Variants in RORB observed in about 807,000 individuals in gnomAD.
RORB encodes the protein RAR related orphan receptor B.
RORB carries 6 observed loss-of-function variants against 59.1 expected under a neutral mutation model. That is an observed-to-expected ratio of 0.10 (90% CI 0.06 to 0.20). The LOEUF is 0.20. Ranked by LOEUF, RORB falls within the 10% of genes least tolerant of loss-of-function variation. The probability of loss-of-function intolerance (pLI) is 1.00; values close to 1 mark genes in which losing one functional copy is unlikely to be tolerated. For synonymous variants in RORB, 215 were observed against 204.5 expected (o/e 1.05, Z -0.44); for missense variants, 320 against 560.5 (o/e 0.57, Z 4.33).
chr9:74,498,143 G>A, intron 1 of RORB, 160 bp downstream of exon 1: 1 of 805,416 alleles, frequency 1.2e-6, no homozygotes, highest in South Asian at 1.6e-5. Flanking sequence ...TGGCCTGGGC[G>A]TAGAAAGTTG....
chr9:74,530,973 G>A (rs1175872460), intron 1 of RORB, among the ~76,000 whole-genome samples: 3 of 151,038 alleles, frequency 2.0e-5, no homozygotes, highest in African/African-American at 7.3e-5. Flanking sequence ...TTTGTTAAAC[G>A]TTATTCTTAT....
chr9:74,520,765 G>T (rs1826075054), intron 1 of RORB, among the ~76,000 whole-genome samples: 1 of 151,458 alleles, frequency 6.6e-6, no homozygotes, highest in Non-Finnish European at 1.5e-5. Flanking sequence ...TTGTGAACCT[G>T]CCTGTGGTTC....
intron 3 of RORB, among the ~76,000 whole-genome samples, chr9:74,638,734 T>C (rs1254316584): frequency 2.6e-5 from 4 of 152,236 alleles, no homozygotes; most frequent in African/African-American, 4.8e-5. Context: ...ATTTTTGCCA[T>C]GTACTGTAAT....
intron 4 of RORB, among the ~76,000 whole-genome samples, chr9:74,643,323 G>T (rs1823841964): frequency 6.6e-6 from 1 of 152,228 alleles, no homozygotes; most frequent in South Asian, 2.1e-4. Context: ...AAGGCTCTTG[G>T]AAATCTGAAT....
intron 1 of RORB, among the ~76,000 whole-genome samples, chr9:74,600,816 A>G (rs1823043447): frequency 6.6e-6 from 1 of 152,218 alleles, no homozygotes; most frequent in South Asian, 2.1e-4. Flanking sequence ...TGTATAGTTT[A>G]CCAAAATTAT....
At chr9:74,548,511 A>G (rs922078850) in intron 1 of RORB, among the ~76,000 whole-genome samples, 6 of 152,336 alleles carry the variant, frequency 3.9e-5, no homozygotes, top group African/African-American at 1.2e-4. Context: ...GTCCAGATTA[A>G]TTCTTTTTAG....
chr9:74,656,796 G>A (rs534168301), intron 4 of RORB, among the ~76,000 whole-genome samples: 108 of 152,094 alleles, frequency 7.1e-4, no homozygotes, highest in Non-Finnish European at 8.7e-4. Flanking sequence ...TTACAACTTC[G>A]GTTGGTTACC....
intron 1 of RORB, among the ~76,000 whole-genome samples, chr9:74,512,360 C>T (rs183931504): frequency 6.6e-6 from 1 of 152,296 alleles, no homozygotes; most frequent in East Asian, 1.9e-4. Flanking sequence ...TATTCCTACA[C>T]TCTGTGGTAA....
At chr9:74,504,878 T>G (rs1257901428) in intron 1 of RORB, among the ~76,000 whole-genome samples, 1 of 152,094 alleles carries the variant, frequency 6.6e-6, no homozygotes, top group Non-Finnish European at 1.5e-5. Flanking sequence ...AATTTTAAAT[T>G]GTGTATTTAA....
intron 1 of RORB, among the ~76,000 whole-genome samples, chr9:74,520,484 T>C (rs902948969): frequency 4.6e-5 from 7 of 151,928 alleles, no homozygotes; most frequent in Non-Finnish European, 4.4e-5. Flanking sequence ...ACCTGTCCAA[T>C]ATGATACCAA....
intron 1 of RORB, among the ~76,000 whole-genome samples, chr9:74,550,110 A>G (rs1306227753): frequency 6.6e-6 from 1 of 152,170 alleles, no homozygotes; most frequent in Admixed American, 6.5e-5. Context: ...AAATGTTCTT[A>G]TCAATATTTT....
chr9:74,541,174 G>GGAGGC (rs964557376), intron 1 of RORB, among the ~76,000 whole-genome samples: 2 of 149,866 alleles, frequency 1.3e-5, no homozygotes, highest in African/African-American at 4.9e-5. Flanking sequence ...CAGCTACTCA[G>GGAGGC]GAGGCTGAGG....
At chr9:74,559,029 CTT>C (rs550067066) in intron 1 of RORB, among the ~76,000 whole-genome samples, 1 of 152,118 alleles carries the variant, frequency 6.6e-6, no homozygotes, top group South Asian at 2.1e-4. Flanking sequence ...TTAATTAAGA[CTT>C]TAGTCTCTTG....
At chr9:74,568,699 CA>C (rs34771605) in intron 1 of RORB, among the ~76,000 whole-genome samples, 114 of 107,290 alleles carry the variant, frequency 1.1e-3, no homozygotes, top group African/African-American at 1.9e-3. Flanking sequence ...GACTCCATCT[CA>C]AAAAAAAAAA....
intron 1 of RORB, among the ~76,000 whole-genome samples, chr9:74,605,926 C>T (rs1823142454): frequency 6.6e-6 from 1 of 152,118 alleles, no homozygotes; most frequent in Non-Finnish European, 1.5e-5. Context: ...TCTCAGTAGA[C>T]TCGAGGTGGG....
intron 1 of RORB, among the ~76,000 whole-genome samples, chr9:74,554,360 T>G (rs560889067): frequency 6.6e-5 from 10 of 152,280 alleles, no homozygotes; most frequent in Non-Finnish European, 1.5e-4. Context: ...CATTGCTTTT[T>G]GTCTGTGCCC....
At chr9:74,552,914 G>T (rs1826634927) in intron 1 of RORB, among the ~76,000 whole-genome samples, 1 of 152,188 alleles carries the variant, frequency 6.6e-6, no homozygotes. Context: ...CTGAATCAAA[G>T]CGGGGACCTA....
intron 1 of RORB, among the ~76,000 whole-genome samples, chr9:74,569,229 T>C (rs1822514167): frequency 6.6e-6 from 1 of 152,092 alleles, no homozygotes. Flanking sequence ...ATGGTATATC[T>C]GTCATTATTT....
chr9:74,667,721 G>C, intron 7 of RORB, 70 bp from the exon 8 acceptor site: 4 of 914,858 alleles, frequency 4.4e-6, no homozygotes, highest in Non-Finnish European at 7.3e-6. Flanking sequence ...TATTGATTAT[G>C]AGATTTTTCT....
Sources: gnomAD v4.1 joint callset for allele counts (sites outside exome capture counted in the v4.1 genomes callset) on GRCh38, gnomAD v4.1.1 for gene constraint, MANE v1.5 for transcripts, NCBI Gene and HGNC (gene_info 2026-07-23, HGNC 2026-07-21) for gene names.